SOS1: variants seen among roughly 807,000 people sequenced by gnomAD.
SOS1 encodes SOS Ras/Rac guanine nucleotide exchange factor 1, also known as son of sevenless homolog 1.
In SOS1, 25 loss-of-function variants were observed where a neutral mutation model predicts 157.6. The ratio of observed to expected loss-of-function variants is 0.16; its 90% CI spans 0.12 to 0.22. The LOEUF (loss-of-function observed/expected upper bound fraction) is 0.22. Among genes scored for constraint, SOS1 ranks in the 10% least tolerant of loss-of-function variants. The pLI is 1.00. For missense variants in SOS1, 1,237 were observed against 1,599.1 expected (o/e 0.77, Z 3.86); for synonymous variants, 528 against 534.0 (o/e 0.99, Z 0.16).
chr2:39,059,624 A>C (rs377701671), intron 2 of SOS1, among the ~76,000 whole-genome samples: 1 of 152,220 alleles, frequency 6.6e-6, no homozygotes, highest in African/African-American at 2.4e-5. Context: ...AAAAACTACT[A>C]GATGAAATTA....
At chr2:39,040,443 T>C (rs1047642939) in intron 6 of SOS1, among the ~76,000 whole-genome samples, 1 of 152,208 alleles carries the variant, frequency 6.6e-6, no homozygotes, top group African/African-American at 2.4e-5. Context: ...AACTATTCTA[T>C]CATCCCAAAC....
At chr2:39,032,861 A>G (rs1465499323) in intron 8 of SOS1, among the ~76,000 whole-genome samples, 2 of 152,034 alleles carry the variant, frequency 1.3e-5, no homozygotes, top group Non-Finnish European at 2.9e-5. Flanking sequence ...GCTGCTTGGG[A>G]AGCTGAGGCA....
At chr2:39,073,924 CG>C (rs1350412179) in intron 1 of SOS1, among the ~76,000 whole-genome samples, 1 of 152,142 alleles carries the variant, frequency 6.6e-6, no homozygotes, top group Non-Finnish European at 1.5e-5. Flanking sequence ...TGAGATAAAA[CG>C]TAATAAAGAT....
chr2:39,014,375 G>C (rs1669565505), intron 11 of SOS1, among the ~76,000 whole-genome samples: 1 of 151,810 alleles, frequency 6.6e-6, no homozygotes, highest in South Asian at 2.1e-4. Flanking sequence ...TCTTTGTTTG[G>C]GTACATGAAA....
At chr2:39,071,832 C>G (rs1041497853) in intron 1 of SOS1, among the ~76,000 whole-genome samples, 3 of 151,806 alleles carry the variant, frequency 2.0e-5, no homozygotes, top group African/African-American at 7.3e-5. Context: ...TTTGCTAAAA[C>G]ACGGCATGCA....
chr2:39,056,825 G>A lies in SOS1; in HGVS notation c.387C>T (p.Tyr129=), dbSNP rs767303235. 8 of 1,609,538 alleles carry A rather than the reference G, an allele frequency of 5.0e-6. No homozygotes were observed. The highest frequency in any genetic ancestry group is 6.8e-6 in the Non-Finnish European group (8 of 1,176,158). ...GYKIDHQVSV[Y]IVAVLEYISA... is the part of the protein sequence containing the mutation. The stretch of plus-strand genomic sequence containing the variant: ...AAATGTATTCTAAGACTGCTACTAT[G>A]TAAACAGAAACCTGGTGGTCAATTT... Residue 129 remains tyrosine, a synonymous_variant, in exon 4 of 23, where the codon TAC becomes TAT. Coordinates refer to ENST00000402219, the MANE Select transcript of SOS1 (RefSeq NM_005633.4).
At chr2:39,066,883 A>G (rs866579796) in intron 2 of SOS1, among the ~76,000 whole-genome samples, 2 of 152,344 alleles carry the variant, frequency 1.3e-5, no homozygotes, top group Middle Eastern at 6.8e-3. Context: ...TGCCACTCCT[A>G]AAGGTATGGG....
intron 9 of SOS1, 156 bp downstream of exon 9, chr2:39,023,854 C>G (rs909491103): frequency 9.6e-6 from 6 of 623,804 alleles, no homozygotes; most frequent in Non-Finnish European, 1.4e-5. Context: ...CAAACAATAA[C>G]AATTCTCTTG....
chr2:39,112,331 T>C (rs1051418743), intron 1 of SOS1, among the ~76,000 whole-genome samples: 2 of 152,074 alleles, frequency 1.3e-5, no homozygotes, highest in Non-Finnish European at 2.9e-5. Flanking sequence ...GAGCAATTCC[T>C]CTCTCTCCCT....
At chr2:39,111,893 A>G (rs1282532081) in intron 1 of SOS1, among the ~76,000 whole-genome samples, 2 of 151,908 alleles carry the variant, frequency 1.3e-5, no homozygotes, top group East Asian at 1.9e-4. Flanking sequence ...CCACATCCAG[A>G]TAATTTTTGT....
chr2:39,000,866 A>G (rs1184902544), intron 17 of SOS1, among the ~76,000 whole-genome samples: 3 of 152,242 alleles, frequency 2.0e-5, no homozygotes, highest in African/African-American at 4.8e-5. Flanking sequence ...GAAGAGAGAC[A>G]TTTAAAAGAC....
At chr2:39,103,664 TA>T (rs1673057744) in intron 1 of SOS1, among the ~76,000 whole-genome samples, 1 of 152,096 alleles carries the variant, frequency 6.6e-6, no homozygotes, top group African/African-American at 2.4e-5. Flanking sequence ...ATGACCTAAA[TA>T]TAAGAGCTAA....
At chr2:39,104,491 T>C (rs895790233) in intron 1 of SOS1, among the ~76,000 whole-genome samples, 2 of 152,146 alleles carry the variant, frequency 1.3e-5, no homozygotes, top group Non-Finnish European at 2.9e-5. Flanking sequence ...GAAATTGACA[T>C]GTGTACATTG....
chr2:39,020,451 T>C (rs1669763514), intron 10 of SOS1, among the ~76,000 whole-genome samples: 1 of 151,702 alleles, frequency 6.6e-6, no homozygotes. Context: ...TATAATAAAA[T>C]AAAAATGTGT....
chr2:39,114,913 G>A (rs577207753), intron 1 of SOS1, among the ~76,000 whole-genome samples: 8 of 152,138 alleles, frequency 5.3e-5, no homozygotes, highest in South Asian at 2.1e-4. Flanking sequence ...TTTTCTTGAA[G>A]CATTCCTCTC....
At chr2:39,111,352 CGA>C (rs1673428613) in intron 1 of SOS1, among the ~76,000 whole-genome samples, 1 of 152,132 alleles carries the variant, frequency 6.6e-6, no homozygotes, top group South Asian at 2.1e-4. Flanking sequence ...GATGGGTATA[CGA>C]GTGTTTACTG....
intron 1 of SOS1, among the ~76,000 whole-genome samples, chr2:39,115,285 C>T (rs1299471842): frequency 1.3e-5 from 2 of 151,776 alleles, no homozygotes; most frequent in Non-Finnish European, 2.9e-5. Flanking sequence ...TTTGCACCTT[C>T]TAGAATGTTC....
intron 8 of SOS1, among the ~76,000 whole-genome samples, chr2:39,032,988 G>T (rs533086333): frequency 6.6e-6 from 1 of 151,790 alleles, no homozygotes; most frequent in East Asian, 1.9e-4. Flanking sequence ...AAGAACAAGC[G>T]AAGAGGCAGT....
intron 6 of SOS1, among the ~76,000 whole-genome samples, chr2:39,040,357 T>G (rs1156316844): frequency 6.6e-6 from 1 of 152,102 alleles, no homozygotes; most frequent in African/African-American, 2.4e-5. Context: ...ACATGAAAAT[T>G]TCCATTTTAG....
Sources: allele counts gnomAD v4.1 joint callset (sites outside exome capture counted in the v4.1 genomes callset), GRCh38; gene constraint gnomAD v4.1.1; transcripts MANE v1.5; gene names NCBI Gene and HGNC (gene_info 2026-07-23, HGNC 2026-07-21).